DOCK7: variants seen among roughly 807,000 people sequenced by gnomAD.
DOCK7 encodes dedicator of cytokinesis 7.
In DOCK7, 138 loss-of-function variants were observed where a neutral mutation model predicts 271.0. The observed-to-expected ratio is 0.51, with a 90% CI of 0.44 to 0.59. The LOEUF is 0.59. Ranked by LOEUF, DOCK7 falls within the 20% of genes least tolerant of loss-of-function variation. DOCK7 has a pLI of 0.00. For synonymous variants in DOCK7, 823 were observed against 876.1 expected, an observed-to-expected ratio of 0.94 and a Z score of 1.07; for missense variants, 2,066 against 2,592.4, an observed-to-expected ratio of 0.80 and a Z score of 4.41.
chr1:62,570,318 T>C (rs1283881957), intron 18 of DOCK7, among the ~76,000 whole-genome samples: 1 of 151,948 alleles, frequency 6.6e-6, no homozygotes, highest in Non-Finnish European at 1.5e-5. Context: ...ACAAAGAGAA[T>C]GAAATACCCA....
chr1:62,552,743 T>A lies in DOCK7; in HGVS notation c.2755A>T (p.Ile919Phe), dbSNP rs1433409910. ...TSPDDEVRSI[I>F]GSKGLDRSNS... is the part of the protein sequence containing the mutation. The stretch of plus-strand genomic sequence containing the variant: ...TGTCTTCAGTTTACCTTACTCCCGA[T>A]GATTGATCGAACTTCATCATCTGGT... The change falls in exon 22 of 50, where the codon ATC (isoleucine) becomes TTC (phenylalanine). Residue 919 changes from isoleucine to phenylalanine, a missense_variant. Physicochemically the swap from Ile to Phe is conservative, Grantham distance 21 (BLOSUM62 0). Transcript: ENST00000635253. 6 of 1,611,636 alleles carry A rather than the reference T, an allele frequency of 3.7e-6. No homozygotes were observed. Among genetic ancestry groups the A allele is most frequent in the South Asian group, 1.1e-5 (1 of 90,616 alleles).
chr1:62,658,534 A>AT (rs1658296714), intron 2 of DOCK7, among the ~76,000 whole-genome samples: 1 of 152,212 alleles, frequency 6.6e-6, no homozygotes. Context: ...GGAGGAAAAA[A>AT]TTCAACCTAG....
At chr1:62,592,889 T>C (rs1171131399) in intron 14 of DOCK7, among the ~76,000 whole-genome samples, 1 of 152,210 alleles carries the variant, frequency 6.6e-6, no homozygotes, top group African/African-American at 2.4e-5. Context: ...CATCTATGAA[T>C]GTATATGAAA....
chr1:62,494,583 T>A, intron 39 of DOCK7, 116 bp from the exon 40 acceptor site: 1 of 753,592 alleles, frequency 1.3e-6, no homozygotes, highest in African/African-American at 1.8e-5. Flanking sequence ...ACAACCTACT[T>A]AGTTTTAAAG....
intron 1 of DOCK7, among the ~76,000 whole-genome samples, chr1:62,676,914 CTG>C (rs550112292): frequency 3.2e-4 from 49 of 152,236 alleles, no homozygotes; most frequent in South Asian, 8.3e-4. Flanking sequence ...CTAGGCTAAA[CTG>C]TAAAAAGTTA....
intron 18 of DOCK7, among the ~76,000 whole-genome samples, chr1:62,563,652 A>G (rs1646407732): frequency 6.6e-6 from 1 of 152,040 alleles, no homozygotes; most frequent in Non-Finnish European, 1.5e-5. Flanking sequence ...CACTAATTAG[A>G]TAAGAAATTC....
At chr1:62,652,128 T>C (rs1377054030) in intron 4 of DOCK7, among the ~76,000 whole-genome samples, 3 of 152,192 alleles carry the variant, frequency 2.0e-5, no homozygotes, top group Non-Finnish European at 4.4e-5. Context: ...TGTGCACACA[T>C]GGTGGAAGAG....
intron 13 of DOCK7, among the ~76,000 whole-genome samples, chr1:62,619,461 T>C (rs1014981752): frequency 1.3e-5 from 2 of 152,186 alleles, no homozygotes; most frequent in Non-Finnish European, 2.9e-5. Context: ...TTTTTCCCTA[T>C]ACATACATGC....
intron 22 of DOCK7, among the ~76,000 whole-genome samples, chr1:62,545,632 TATA>T (rs1418711580): frequency 6.6e-6 from 1 of 152,112 alleles, no homozygotes; most frequent in Non-Finnish European, 1.5e-5. Flanking sequence ...GAGCTGCACT[TATA>T]ATAATAATGG....
intron 31 of DOCK7, among the ~76,000 whole-genome samples, chr1:62,522,094 A>C (rs1180384693): frequency 6.6e-6 from 1 of 152,164 alleles, no homozygotes; most frequent in Non-Finnish European, 1.5e-5. Flanking sequence ...CTTGAAAAAG[A>C]AAACACTTCA....
chr1:62,566,587 A>G (rs1357923235), intron 18 of DOCK7, among the ~76,000 whole-genome samples: 1 of 152,238 alleles, frequency 6.6e-6, no homozygotes, highest in African/African-American at 2.4e-5. Flanking sequence ...TAACACCATA[A>G]AAATCCTAGA....
chr1:62,572,795 G>T (rs961029165), intron 18 of DOCK7, among the ~76,000 whole-genome samples: 4 of 152,010 alleles, frequency 2.6e-5, no homozygotes, highest in East Asian at 1.9e-4. Context: ...ATGATTTTTT[G>T]GGGGGAAACA....
intron 1 of DOCK7, among the ~76,000 whole-genome samples, chr1:62,686,614 A>G (rs897911725): frequency 6.6e-6 from 1 of 152,216 alleles, no homozygotes; most frequent in African/African-American, 2.4e-5. Context: ...GATGACAGGT[A>G]GTATAGGCCC....
intron 14 of DOCK7, among the ~76,000 whole-genome samples, chr1:62,592,722 C>G (rs973227885): frequency 6.6e-6 from 1 of 152,010 alleles, no homozygotes; most frequent in Non-Finnish European, 1.5e-5. Context: ...ATATACTTGT[C>G]TATTAGATTT....
intron 41 of DOCK7, among the ~76,000 whole-genome samples, chr1:62,491,514 C>T (rs74076689): frequency 0.037 from 5,675 of 152,240 alleles, 258 homozygotes; most frequent in African/African-American, 0.11. Flanking sequence ...TCTTCACATA[C>T]GGATGGAAGG....
intron 12 of DOCK7, among the ~76,000 whole-genome samples, chr1:62,621,200 A>G (rs984578985): frequency 6.6e-6 from 1 of 152,070 alleles, no homozygotes; most frequent in Non-Finnish European, 1.5e-5. Flanking sequence ...TAGGAGGAGG[A>G]AGAAACTACT....
chr1:62,475,382 T>G (rs1645939037), intron 46 of DOCK7, 31 bp from the exon 47 acceptor site: 2 of 1,599,824 alleles, frequency 1.3e-6, no homozygotes, highest in African/African-American at 1.3e-5. Context: ...TAAATCAGTG[T>G]ACTGACTGAA....
chr1:62,605,798 A>G (rs1650904230), intron 14 of DOCK7: 1 of 152,234 alleles, frequency 6.6e-6, no homozygotes, highest in African/African-American at 2.4e-5. Flanking sequence ...ATAGAAATTT[A>G]AATTATTCTT....
chr1:62,621,793 T>C (rs1653274496), intron 12 of DOCK7, among the ~76,000 whole-genome samples: 1 of 152,220 alleles, frequency 6.6e-6, no homozygotes. Flanking sequence ...TCTTTTCTTG[T>C]GCATACAGAA....
Sources: allele counts gnomAD v4.1 joint callset (sites outside exome capture counted in the v4.1 genomes callset), GRCh38; gene constraint gnomAD v4.1.1; transcripts MANE v1.5; gene names NCBI Gene and HGNC (gene_info 2026-07-23, HGNC 2026-07-21).